RTN1: variants seen among roughly 807,000 people sequenced by gnomAD.
The protein encoded by RTN1 is reticulon-1.
Under a neutral mutation model 65.5 loss-of-function variants are expected in RTN1, and 25 were observed. That is an observed-to-expected ratio of 0.38 (90% CI 0.28 to 0.53). The LOEUF is 0.53. RTN1 is among the 20% of genes least tolerant of loss of function. RTN1 has a pLI of 0.79. For synonymous variants in RTN1, 471 were observed against 447.6 expected, an observed-to-expected ratio of 1.05 and a Z score of -0.66; for missense variants, 983 against 1,025.4, an observed-to-expected ratio of 0.96 and a Z score of 0.57.
intron 1 of RTN1, among the ~76,000 whole-genome samples, chr14:59,764,224 G>A (rs780151202): frequency 6.6e-6 from 1 of 152,134 alleles, no homozygotes; most frequent in Non-Finnish European, 1.5e-5. Context: ...GACTGTTTTA[G>A]AGCATAGAAG....
intron 2 of RTN1, among the ~76,000 whole-genome samples, chr14:59,731,588 T>A (rs1398836566): frequency 2.0e-5 from 3 of 152,242 alleles, no homozygotes; most frequent in Non-Finnish European, 4.4e-5. Flanking sequence ...TTTATTATGT[T>A]AAGCCACCAA....
chr14:59,796,795 T>C (rs1286985815), intron 1 of RTN1, among the ~76,000 whole-genome samples: 1 of 152,212 alleles, frequency 6.6e-6, no homozygotes, highest in Non-Finnish European at 1.5e-5. Context: ...ATTCTCTGGT[T>C]GCATTCATCA....
chr14:59,842,507 A>C (rs1004195168), intron 1 of RTN1, among the ~76,000 whole-genome samples: 6 of 152,140 alleles, frequency 3.9e-5, no homozygotes, highest in Non-Finnish European at 4.4e-5. Context: ...CATAGCTAGC[A>C]CCATTCTAGA....
chr14:59,718,220 G>A (rs914926452), intron 3 of RTN1, among the ~76,000 whole-genome samples: 5 of 152,148 alleles, frequency 3.3e-5, no homozygotes, highest in Non-Finnish European at 5.9e-5. Flanking sequence ...CCATTACAGA[G>A]ACGGGGCGGA....
intron 3 of RTN1, among the ~76,000 whole-genome samples, chr14:59,681,808 A>T (rs1883750807): frequency 6.6e-6 from 1 of 152,076 alleles, no homozygotes; most frequent in Non-Finnish European, 1.5e-5. Flanking sequence ...ATCATCCCAG[A>T]TTCCTGTTTC....
intron 1 of RTN1, among the ~76,000 whole-genome samples, chr14:59,843,569 C>T (rs1049749399): frequency 2.6e-5 from 4 of 152,136 alleles, no homozygotes; most frequent in Admixed American, 6.5e-5. Flanking sequence ...AACTTATATA[C>T]CTGTTACTAA....
Position 59,672,256 on chromosome 14 carries a change from A to G in RTN1, c.1765+54663T>C, listed in dbSNP as rs552806131. ...TAGCCAGCAATTATGGTGGTCAGTAAATAGCAGCTGGTGTCCATTCAGCAG... is the reference window on the plus strand; with the variant it reads ...TAGCCAGCAATTATGGTGGTCAGTAGATAGCAGCTGGTGTCCATTCAGCAG... On this transcript the variant is annotated intron_variant, in intron 3 of 8. Transcript: ENST00000267484. Among the ~76,000 whole-genome samples, 25 of 152,318 alleles carry G rather than the reference A, an allele frequency of 1.6e-4. No homozygotes were observed. In the South Asian group the frequency reaches 5.2e-3, roughly 32 times the overall value.
intron 1 of RTN1, among the ~76,000 whole-genome samples, chr14:59,797,707 T>C (rs1425695674): frequency 6.6e-6 from 1 of 152,228 alleles, no homozygotes; most frequent in African/African-American, 2.4e-5. Flanking sequence ...AAAGCATTAT[T>C]TACTCATTCC....
chr14:59,674,442 T>C (rs1883577327), intron 3 of RTN1, among the ~76,000 whole-genome samples: 1 of 152,248 alleles, frequency 6.6e-6, no homozygotes, highest in African/African-American at 2.4e-5. Context: ...CAGGTGATAT[T>C]AGTTTCTTTC....
chr14:59,724,762 C>T (rs992220736), intron 3 of RTN1, among the ~76,000 whole-genome samples: 4 of 151,714 alleles, frequency 2.6e-5, no homozygotes, highest in South Asian at 2.1e-4. Context: ...GGCTGGGCAG[C>T]GCTGATCCTT....
At chr14:59,819,275 G>C (rs1594755041) in intron 1 of RTN1, among the ~76,000 whole-genome samples, 1 of 151,826 alleles carries the variant, frequency 6.6e-6, no homozygotes, top group Non-Finnish European at 1.5e-5. Flanking sequence ...GGGGTTCCTA[G>C]GAGGTTGCAG....
intron 3 of RTN1, among the ~76,000 whole-genome samples, chr14:59,692,317 G>A (rs868815387): frequency 4.6e-5 from 7 of 151,540 alleles, no homozygotes; most frequent in Admixed American, 2.0e-4. Context: ...ATCAAGAATT[G>A]CTTCAAAAAA....
At chr14:59,864,663 G>A (rs1172613771) in intron 1 of RTN1, among the ~76,000 whole-genome samples, 1 of 152,076 alleles carries the variant, frequency 6.6e-6, no homozygotes, top group Non-Finnish European at 1.5e-5. Context: ...ATAAATAGTA[G>A]TATAATCATA....
chr14:59,600,198 C>A (rs1425660837), intron 8 of RTN1, among the ~76,000 whole-genome samples: 2 of 152,136 alleles, frequency 1.3e-5, no homozygotes, highest in Non-Finnish European at 2.9e-5. Flanking sequence ...CTGGTGTCTA[C>A]TGGCCCAATC....
In RTN1 at chr14:59,749,988, T is replaced by C. The variant is rs1334264898; in HGVS notation, c.242-3507A>G. ...TATTATATACATATATTATATATTATATACATATATATTATATACATATAT... is the reference window on the plus strand; with the variant it reads ...TATTATATACATATATTATATATTACATACATATATATTATATACATATAT... On this transcript the variant is annotated intron_variant, in intron 1 of 8. Transcript: ENST00000267484. Among the ~76,000 whole-genome samples the C allele has an allele frequency of 8.1e-3, 678 of 83,888 alleles. 25 individuals carry two copies. Among genetic ancestry groups the C allele is most frequent in the African/African-American group, 0.033 (640 of 19,310 alleles). 55.0% of individuals were successfully genotyped at this position (83,888 alleles called of 152,430 possible). A position where few individuals can be genotyped will look rare whatever the true frequency, so the allele number is the denominator to read the frequency against.
intron 1 of RTN1, among the ~76,000 whole-genome samples, chr14:59,852,515 T>C (rs1887527805): frequency 6.6e-6 from 1 of 152,160 alleles, no homozygotes; most frequent in Admixed American, 6.5e-5. Flanking sequence ...AAAATACCAT[T>C]TGGTTCCAAA....
chr14:59,676,430 T>C (rs1230862530), intron 3 of RTN1, among the ~76,000 whole-genome samples: 1 of 152,194 alleles, frequency 6.6e-6, no homozygotes. Context: ...ACAGGTTCAA[T>C]TAAGTATCAG....
At chr14:59,646,612 G>C (rs1882901958) in intron 3 of RTN1, among the ~76,000 whole-genome samples, 1 of 152,184 alleles carries the variant, frequency 6.6e-6, no homozygotes, top group Non-Finnish European at 1.5e-5. Context: ...AACCCTACAA[G>C]CCTGAAGAGA....
At chr14:59,630,375 C>A (rs2140184310) in intron 3 of RTN1, 1 of 1,597,184 alleles carries the variant, frequency 6.3e-7, no homozygotes, top group East Asian at 2.2e-5. Context: ...TGAAATGATG[C>A]ACAATGGACG....
Sources: allele counts gnomAD v4.1 joint callset (sites outside exome capture counted in the v4.1 genomes callset), GRCh38; gene constraint gnomAD v4.1.1; transcripts MANE v1.5; gene names NCBI Gene and HGNC (gene_info 2026-07-23, HGNC 2026-07-21).